The following DTD1 variants were observed in gnomAD, a reference collection of about 807,000 sequenced individuals.
DTD1 encodes the protein D-tyrosyl-tRNA deacylase 1 homolog.
Under a neutral mutation model 25.6 loss-of-function variants are expected in DTD1, and 13 were observed. The observed-to-expected ratio is 0.51, with a 90% CI of 0.33 to 0.81. DTD1 has a LOEUF of 0.81. Among genes scored for constraint, DTD1 ranks in the 30% least tolerant of loss-of-function variants. The pLI, the probability that DTD1 is intolerant of heterozygous loss-of-function variation, is 0.02. For synonymous variants in DTD1, 110 were observed against 103.6 expected, an observed-to-expected ratio of 1.06 and a Z score of -0.37; for missense variants, 193 against 266.4, an observed-to-expected ratio of 0.72 and a Z score of 1.92.
chr20:18,756,779 T>C (rs1050293793), intron 5 of DTD1, among the ~76,000 whole-genome samples: 9 of 152,154 alleles, frequency 5.9e-5, no homozygotes, highest in Non-Finnish European at 2.9e-5. Flanking sequence ...ATATGAACTT[T>C]AAAGTAGTTT....
At chr20:18,727,135 G>T (rs1449528562) in intron 4 of DTD1, among the ~76,000 whole-genome samples, 1 of 152,242 alleles carries the variant, frequency 6.6e-6, no homozygotes, top group African/African-American at 2.4e-5. Context: ...CGCGTGCCTG[G>T]AGGCCTGGGC....
At chr20:18,682,939 T>C (rs1287325447) in intron 4 of DTD1, among the ~76,000 whole-genome samples, 1 of 152,244 alleles carries the variant, frequency 6.6e-6, no homozygotes, top group Non-Finnish European at 1.5e-5. Context: ...CATGAATATG[T>C]ATATGCTCAA....
At chr20:18,627,640 C>T (rs989462957) in intron 3 of DTD1, among the ~76,000 whole-genome samples, 6 of 152,142 alleles carry the variant, frequency 3.9e-5, no homozygotes, top group Admixed American at 3.3e-4. Context: ...CCCGGTCAAC[C>T]TCCTTCTCCC....
At chr20:18,708,095 A>G (rs2061133568) in intron 4 of DTD1, among the ~76,000 whole-genome samples, 1 of 147,010 alleles carries the variant, frequency 6.8e-6, no homozygotes, top group Admixed American at 7.0e-5. Flanking sequence ...TGCCGTGGGT[A>G]TACAGTACAC....
Position 18,749,197 on chromosome 20 carries a change from C to T in DTD1, c.*19+4926C>T, listed in dbSNP as rs2061312366. Among the ~76,000 whole-genome samples, 1 of 152,260 alleles carries T rather than the reference C, an allele frequency of 6.6e-6. No individual in the cohort carries two copies. Among genetic ancestry groups the T allele is most frequent in the African/African-American group, 2.4e-5 (1 of 41,554 alleles). On this transcript the variant is annotated intron_variant, in intron 5 of 5. Coordinates refer to ENST00000377452, the MANE Select transcript of DTD1 (RefSeq NM_080820.6). This position sits in a 1 kb window ranked among gnomAD's most constrained non-coding sequence, Gnocchi z 4.2. Reference sequence around the variant, plus strand: ...GGAATGGGGGTTGGGTTGCAGGAAACTTGGAAGCCGTGACAGGGATTCTGG... The same window carrying T: ...GGAATGGGGGTTGGGTTGCAGGAAATTTGGAAGCCGTGACAGGGATTCTGG...
At chr20:18,743,096 G>C (rs958510109) in intron 4 of DTD1, among the ~76,000 whole-genome samples, 9 of 152,200 alleles carry the variant, frequency 5.9e-5, no homozygotes, top group Admixed American at 3.9e-4. Flanking sequence ...CTCAGTGTTA[G>C]ATGATGGAAG....
chr20:18,708,231 T>TATATATATTATATATATATTGTATATATA, intron 4 of DTD1, among the ~76,000 whole-genome samples: 1 of 15,394 alleles, frequency 6.5e-5, no homozygotes, highest in African/African-American at 2.0e-4. Context: ...ATATATATAT[T>TATATATATTATATATATATTGTATATATA]TTATATATAT....
intron 4 of DTD1, among the ~76,000 whole-genome samples, chr20:18,707,443 C>T (rs2061131081): frequency 6.6e-6 from 1 of 152,158 alleles, no homozygotes; most frequent in Admixed American, 6.6e-5. Context: ...CTCATATATG[C>T]ACCTGGTCTT....
intron 4 of DTD1, among the ~76,000 whole-genome samples, chr20:18,738,636 C>T (rs2061265868): frequency 6.6e-6 from 1 of 152,186 alleles, no homozygotes; most frequent in Admixed American, 6.5e-5. Flanking sequence ...AAGCCTTTTT[C>T]CAAAGACCCT....
At chr20:18,588,685 C>T in intron 1 of DTD1, 1 of 978,938 alleles carries the variant, frequency 1.0e-6, no homozygotes, top group Non-Finnish European at 1.2e-6. Context: ...CGCCCCCTGC[C>T]CAGGACGCCC....
intron 4 of DTD1, among the ~76,000 whole-genome samples, chr20:18,687,733 G>A (rs1258995833): frequency 6.6e-6 from 1 of 151,856 alleles, no homozygotes; most frequent in East Asian, 1.9e-4. Context: ...TTGGAGAGAC[G>A]GGGTCTCACT....
At chr20:18,645,652 A>G (rs559783810) in intron 4 of DTD1, among the ~76,000 whole-genome samples, 1 of 152,348 alleles carries the variant, frequency 6.6e-6, no homozygotes, top group Non-Finnish European at 1.5e-5. Context: ...TTGGAATCCT[A>G]TTCCTGGCTG....
intron 4 of DTD1, among the ~76,000 whole-genome samples, chr20:18,637,582 A>G (rs1014482324): frequency 6.6e-6 from 1 of 152,246 alleles, no homozygotes; most frequent in Non-Finnish European, 1.5e-5. Flanking sequence ...AGTACCAGAC[A>G]TGGAATGCCT....
intron 4 of DTD1, among the ~76,000 whole-genome samples, chr20:18,636,626 TG>T (rs1306871251): frequency 6.6e-6 from 1 of 152,046 alleles, no homozygotes; most frequent in Non-Finnish European, 1.5e-5. Flanking sequence ...GATGGGTCAG[TG>T]GGGTGTGAGT....
chr20:18,750,449 C>A (rs565432061), intron 5 of DTD1, among the ~76,000 whole-genome samples: 1 of 152,060 alleles, frequency 6.6e-6, no homozygotes, highest in South Asian at 2.1e-4. Flanking sequence ...TCTGGCAGGC[C>A]CTAAGGGGAG....
At chr20:18,595,054 G>C (rs1162081331) in intron 2 of DTD1, among the ~76,000 whole-genome samples, 1 of 152,158 alleles carries the variant, frequency 6.6e-6, no homozygotes, top group African/African-American at 2.4e-5. Context: ...TTTCATGCTG[G>C]TGGTTCTCTG....
At chr20:18,730,279 A>G (rs2061235677) in intron 4 of DTD1, among the ~76,000 whole-genome samples, 1 of 152,220 alleles carries the variant, frequency 6.6e-6, no homozygotes, top group East Asian at 1.9e-4. Context: ...TTTTGCATGT[A>G]TCTTTGTGCT....
At chr20:18,665,173 C>T (rs1039192289) in intron 4 of DTD1, among the ~76,000 whole-genome samples, 11 of 152,088 alleles carry the variant, frequency 7.2e-5, no homozygotes, top group African/African-American at 2.7e-4. Context: ...TAGTGTGGGC[C>T]ATCACTGAGT....
chr20:18,750,634 T>C (rs2061318173), intron 5 of DTD1, among the ~76,000 whole-genome samples: 1 of 152,252 alleles, frequency 6.6e-6, no homozygotes, highest in Non-Finnish European at 1.5e-5. Flanking sequence ...TTGCTTCTTA[T>C]TTTACCAAGT....
Sources: gnomAD v4.1 joint callset for allele counts (sites outside exome capture counted in the v4.1 genomes callset) on GRCh38, gnomAD v4.1.1 for gene constraint, Gnocchi (gnomAD v3.1) non-coding constraint, MANE v1.5 for transcripts, NCBI Gene and HGNC (gene_info 2026-07-23, HGNC 2026-07-21) for gene names.